Variants in AP3S1 observed in about 807,000 individuals in gnomAD.
AP3S1 encodes the protein AP-3 complex subunit sigma-1.
A neutral mutation model predicts 21.3 loss-of-function variants in AP3S1; 12 were observed. The observed-to-expected ratio is 0.56, with a 90% CI of 0.36 to 0.91. AP3S1 has a LOEUF of 0.91. AP3S1 is among the 40% of genes least tolerant of loss of function. The pLI is 0.01. For synonymous variants in AP3S1, 48 were observed against 78.4 expected (o/e 0.61, Z 2.05); for missense variants, 116 against 225.0 (o/e 0.52, Z 3.10).
chr5:115,895,301 T>A (rs1750660653), intron 4 of AP3S1, 143 bp downstream of exon 4: 2 of 555,278 alleles, frequency 3.6e-6, no homozygotes, highest in African/African-American at 1.9e-5. Context: ...TGAGCCAGGC[T>A]TTGTGCTTGG....
At chr5:115,864,834 G>A (rs1185014469) in intron 1 of AP3S1, among the ~76,000 whole-genome samples, 1 of 152,176 alleles carries the variant, frequency 6.6e-6, no homozygotes, top group African/African-American at 2.4e-5. Context: ...CAGATGATAA[G>A]GAAGTAGACT....
In AP3S1 at chr5:115,889,472, C is replaced by G. The variant is rs142562703; in HGVS notation, c.274-5615C>G. On this transcript the variant is annotated intron_variant, in intron 3 of 5. Transcript: ENST00000316788. ...CTTTTGTTTTCTTCTGAGTGAATCT[C>G]TTTCCTGACCTTGCTGTAAGCCAAG... Among the ~76,000 whole-genome samples, 1,051 of 152,256 alleles carry G rather than the reference C, an allele frequency of 6.9e-3. 6 individuals carry two copies. The highest frequency in any genetic ancestry group is 8.6e-3 in the Non-Finnish European group (583 of 68,004).
chr5:115,870,082 G>A lies in AP3S1; in HGVS notation c.227G>A (p.Cys76Tyr). The A allele has an allele frequency of 1.2e-6, 2 of 1,609,112 alleles. No homozygotes were observed. Among genetic ancestry groups the A allele is most frequent in the Non-Finnish European group, 1.7e-6 (2 of 1,178,758 alleles). ...RHYATLYFVF[C>Y]VDSSESELGI... ...TATGCAACGTTATATTTTGTCTTCTGTGTGGATTCTTCAGAAAGTGAACTT... is the reference window on the plus strand; with the variant it reads ...TATGCAACGTTATATTTTGTCTTCTATGTGGATTCTTCAGAAAGTGAACTT... The change falls in exon 3 of 6, where the codon TGT becomes TAT. Residue 76 changes from cysteine (C) to tyrosine (Y), a missense_variant. By Grantham distance (194) the Cys-to-Tyr change is radical. Coordinates refer to ENST00000316788, the MANE Select transcript of AP3S1 (RefSeq NM_001284.4).
At chr5:115,897,158 A>G (rs1020360721) in intron 4 of AP3S1, among the ~76,000 whole-genome samples, 2 of 152,232 alleles carry the variant, frequency 1.3e-5, no homozygotes, top group African/African-American at 2.4e-5. Flanking sequence ...TAGAATATGT[A>G]TAGTACTTGA....
In AP3S1 at chr5:115,866,743, A is replaced by G. The variant is rs961837212; in HGVS notation, c.143A>G (p.Asn48Ser). The G allele has an allele frequency of 6.2e-6, 10 of 1,601,086 alleles. No homozygotes were observed. Among genetic ancestry groups the G allele is most frequent in the Non-Finnish European group, 8.5e-6 (10 of 1,171,430 alleles). The change falls in exon 2 of 6, where the codon AAT becomes AGT. Residue 48 changes from asparagine to serine, a missense_variant. This residue lies in a region of AP3S1 where 50 missense variants were observed against 55.5 expected (regional missense o/e 0.90). Transcript: ENST00000316788. ...LVSKRDENVC[N>S]FLEGGLLIGG... ...TCTAAGAGAGATGAAAATGTTTGTA[A>G]TTTCCTAGAAGGAGGATTGTAAGTA...
At chr5:115,875,461 G>A (rs1748629988) in intron 3 of AP3S1, among the ~76,000 whole-genome samples, 1 of 152,188 alleles carries the variant, frequency 6.6e-6, no homozygotes, top group East Asian at 1.9e-4. Context: ...GTGGTGGGGT[G>A]ACAGATACAC....
intron 3 of AP3S1, among the ~76,000 whole-genome samples, chr5:115,878,326 G>A (rs1293625785): frequency 1.3e-5 from 2 of 152,124 alleles, no homozygotes; most frequent in Non-Finnish European, 2.9e-5. Flanking sequence ...GGGTTTTTAT[G>A]GTTTTGGGTC....
rs149045236 is a variant in AP3S1, at chr5:115,885,761, T to C, written c.274-9326T>C. On this transcript the variant is annotated intron_variant, in intron 3 of 5. Coordinates refer to ENST00000316788, the MANE Select transcript of AP3S1 (RefSeq NM_001284.4). ...TAACCATCACCGTGTTGAATACTTT[T>C]GTTAATTTATTTTGTTCTCCTTAAA... 4.7e-3 allele frequency among the ~76,000 whole-genome samples: 715 copies of C among 152,358 alleles called. 5 individuals are homozygous for C. Among genetic ancestry groups the C allele is most frequent in the African/African-American group, 0.017 (693 of 41,582 alleles).
chr5:115,894,905 G>C (rs993919790), intron 3 of AP3S1, among the ~76,000 whole-genome samples, 182 bp from the exon 4 acceptor site: 1 of 152,080 alleles, frequency 6.6e-6, no homozygotes, highest in Non-Finnish European at 1.5e-5. Context: ...TAATTTATCT[G>C]TAGTTAAACT....
intron 1 of AP3S1, among the ~76,000 whole-genome samples, chr5:115,861,107 G>T (rs921750998): frequency 6.6e-6 from 1 of 152,164 alleles, no homozygotes; most frequent in Non-Finnish European, 1.5e-5. Flanking sequence ...TGTTATAAGT[G>T]TATGATAGGA....
chr5:115,913,928 A>G lies in AP3S1; in HGVS notation c.*438A>G, dbSNP rs1316966452. On this transcript the variant is annotated 3_prime_UTR_variant, in exon 6 of 6. Coordinates refer to ENST00000316788, the MANE Select transcript of AP3S1 (RefSeq NM_001284.4). ...AGAACCAAGTATGTATTGCATGAAA[A>G]CATTATGACTTTTTTCTCTTAGTTT... 6.5e-6 allele frequency: 1 copy of G among 152,922 alleles called. No homozygotes were observed. Among genetic ancestry groups the G allele is most frequent in the Admixed American group, 6.5e-5 (1 of 15,294 alleles). The allele number at this position is 152,922 out of a possible 1,614,324, so 9.5% of individuals were successfully genotyped here. A position where few individuals can be genotyped will look rare whatever the true frequency, so the allele number is the denominator to read the frequency against.
At chr5:115,903,285 T>C (rs1385157963) in intron 5 of AP3S1, 1 of 181,338 alleles carries the variant, frequency 5.5e-6, no homozygotes, top group Non-Finnish European at 1.1e-5. Context: ...GAATCTAATA[T>C]TTGCTTTGTA....
chr5:115,887,288 T>C (rs1378221514), intron 3 of AP3S1, among the ~76,000 whole-genome samples: 1 of 152,144 alleles, frequency 6.6e-6, no homozygotes. Context: ...GGCTTCAGCA[T>C]ATTAGTATCC....
chr5:115,886,401 T>A (rs1168817672), intron 3 of AP3S1, among the ~76,000 whole-genome samples: 9 of 151,876 alleles, frequency 5.9e-5, no homozygotes, highest in African/African-American at 9.7e-5. Flanking sequence ...AACCAACCCC[T>A]CATCTTCCTT....
rs189458705 is a variant in AP3S1, at chr5:115,905,986, T to A, written c.453+2994T>A. 4.0e-3 allele frequency among the ~76,000 whole-genome samples: 605 copies of A among 152,212 alleles called. 1 individual carries two copies. Among genetic ancestry groups the A allele is most frequent in the African/African-American group, 0.014 (577 of 41,532 alleles). ...GCCTGGCAAATATGGTGAAATCCCG[T>A]CTCTACTAAAAATACAAAAAAATTA... On this transcript the variant is annotated intron_variant, in intron 5 of 5. Coordinates refer to ENST00000316788, the MANE Select transcript of AP3S1 (RefSeq NM_001284.4).
At chr5:115,876,415 CT>C (rs1284204582) in intron 3 of AP3S1, among the ~76,000 whole-genome samples, 1 of 152,046 alleles carries the variant, frequency 6.6e-6, no homozygotes, top group Non-Finnish European at 1.5e-5. Flanking sequence ...TTATGTTGGT[CT>C]TTTTCTTTGA....
chr5:115,859,785 T>C (rs1763041298), intron 1 of AP3S1, among the ~76,000 whole-genome samples: 1 of 152,182 alleles, frequency 6.6e-6, no homozygotes, highest in East Asian at 1.9e-4. Context: ...TCCTACAGAG[T>C]TATGTTCCAA....
At chr5:115,890,011 A>G (rs1476086494) in intron 3 of AP3S1, among the ~76,000 whole-genome samples, 1 of 152,108 alleles carries the variant, frequency 6.6e-6, no homozygotes, top group Non-Finnish European at 1.5e-5. Flanking sequence ...GGTGGTGAAA[A>G]GGCTATGGAA....
intron 1 of AP3S1, among the ~76,000 whole-genome samples, chr5:115,849,319 C>T (rs185277184): frequency 2.6e-5 from 4 of 152,090 alleles, no homozygotes; most frequent in African/African-American, 4.8e-5. Context: ...ACCTCTTTGA[C>T]GACCTGACAT....
Sources: allele counts gnomAD v4.1 joint callset (sites outside exome capture counted in the v4.1 genomes callset), GRCh38; gene constraint gnomAD v4.1.1; regional missense constraint gnomAD v4.1.1; transcripts MANE v1.5; gene names NCBI Gene and HGNC (gene_info 2026-07-23, HGNC 2026-07-21).